PLOD2: variants seen among roughly 807,000 people sequenced by gnomAD.
PLOD2 encodes the protein procollagen-lysine,2-oxoglutarate 5-dioxygenase 2.
Under a neutral mutation model 101.0 loss-of-function variants are expected in PLOD2, and 65 were observed. The observed-to-expected ratio is 0.64, with a 90% CI of 0.53 to 0.79. The LOEUF (loss-of-function observed/expected upper bound fraction) is 0.79. Ranked by LOEUF, PLOD2 falls within the 30% of genes least tolerant of loss-of-function variation. The pLI, the probability that PLOD2 is intolerant of heterozygous loss-of-function variation, is 0.00. For synonymous variants in PLOD2, 314 were observed against 302.9 expected (o/e 1.04, Z -0.38); for missense variants, 909 against 914.6 (o/e 0.99, Z 0.08).
intron 1 of PLOD2, among the ~76,000 whole-genome samples, chr3:146,134,688 A>C (rs2031125208): frequency 6.6e-6 from 1 of 152,240 alleles, no homozygotes; most frequent in Non-Finnish European, 1.5e-5. Flanking sequence ...AAAGGGGATC[A>C]ATAGTAAAGT....
intron 7 of PLOD2, among the ~76,000 whole-genome samples, chr3:146,098,010 G>C (rs143862299): frequency 3.3e-5 from 5 of 151,904 alleles, no homozygotes; most frequent in East Asian, 1.9e-4. Context: ...ATGAGAACTC[G>C]TGGACACAGG....
chr3:146,098,278 A>G (rs1294993301), intron 7 of PLOD2, among the ~76,000 whole-genome samples: 1 of 152,174 alleles, frequency 6.6e-6, no homozygotes, highest in African/African-American at 2.4e-5. Flanking sequence ...TTAAAAGAAA[A>G]GGCTGAACAT....
At chr3:146,150,102 C>T (rs1371214513) in intron 1 of PLOD2, among the ~76,000 whole-genome samples, 1 of 152,178 alleles carries the variant, frequency 6.6e-6, no homozygotes, top group African/African-American at 2.4e-5. Context: ...TTCATACTTT[C>T]TATTCCTTTC....
chr3:146,127,893 A>G lies in PLOD2; in HGVS notation c.110-3664T>C, dbSNP rs1219924413. On this transcript the variant is annotated intron_variant, in intron 1 of 19. Transcript: ENST00000282903. ...GTTGGCATGGATGCAAAGAAAAGGG[A>G]ACACTTACACATTGCTTGTGGGAAT... 2.0e-5 allele frequency among the ~76,000 whole-genome samples: 3 copies of G among 152,172 alleles called. No homozygotes were observed. In the East Asian group the frequency reaches 5.8e-4, roughly 29 times the overall value.
Position 146,070,376 on chromosome 3 carries a change from A to G in PLOD2, c.*341T>C. The G allele has an allele frequency of 6.3e-6, 1 of 157,564 alleles. No homozygotes were observed. 9.8% of individuals were successfully genotyped at this position (157,564 alleles called of 1,614,324 possible). On this transcript the variant is annotated 3_prime_UTR_variant, in exon 20 of 20. Transcript: ENST00000282903. ...AATCTTCCCATGCTTTTTTTAAATA[A>G]GAAAATATTATTAGTCTTGTTATTT...
chr3:146,095,967 G>C (rs1008927467), intron 7 of PLOD2, among the ~76,000 whole-genome samples: 5 of 127,624 alleles, frequency 3.9e-5, no homozygotes, highest in Admixed American at 3.5e-4. Context: ...CTGCCATCTC[G>C]GCTCACTGCA....
intron 17 of PLOD2, among the ~76,000 whole-genome samples, chr3:146,072,265 T>C (rs778783778): frequency 4.6e-5 from 5 of 109,800 alleles, no homozygotes; most frequent in Non-Finnish European, 7.9e-5. Flanking sequence ...GTGACATCAC[T>C]CTGTAAAGAC....
intron 3 of PLOD2, among the ~76,000 whole-genome samples, chr3:146,115,331 A>T (rs1344731429): frequency 1.3e-5 from 2 of 152,130 alleles, no homozygotes; most frequent in South Asian, 2.1e-4. Flanking sequence ...ATTCTACCTG[A>T]TGTGGTCATA....
chr3:146,085,149 T>G lies in PLOD2; in HGVS notation c.1232+20A>C, dbSNP rs1416500939. The G allele has an allele frequency of 9.9e-7, 1 of 1,013,930 alleles. No individual in the cohort carries two copies. The highest frequency in any genetic ancestry group is 1.7e-5 in the Admixed American group (1 of 58,658). 62.8% of individuals were successfully genotyped at this position (1,013,930 alleles called of 1,614,324 possible). A position where few individuals can be genotyped will look rare whatever the true frequency, so the allele number is the denominator to read the frequency against. On this transcript the variant is annotated intron_variant, in intron 11 of 19. Coordinates refer to ENST00000282903, the MANE Select transcript of PLOD2 (RefSeq NM_182943.3). Reference sequence around the variant, plus strand: ...AATAATCATTTTAACAATAAATTGATATCGAATTTTAGAAAGTACCTGTTT... The same window carrying G: ...AATAATCATTTTAACAATAAATTGAGATCGAATTTTAGAAAGTACCTGTTT...
Position 146,136,777 on chromosome 3 carries a change from T to C in PLOD2, c.110-12548A>G, listed in dbSNP as rs116254962. ...TACAGTAACATTCCTTACAGGTTTG[T>C]AGTGTAGAAACAGTAGTGTAAACTA... is the stretch of plus-strand genomic sequence containing the variant. On this transcript the variant is annotated intron_variant, in intron 1 of 19. Transcript: ENST00000282903. 5.4e-3 allele frequency among the ~76,000 whole-genome samples: 822 copies of C among 152,344 alleles called. 8 individuals are homozygous for C. Among genetic ancestry groups the C allele is most frequent in the African/African-American group, 0.019 (787 of 41,574 alleles).
intron 1 of PLOD2, among the ~76,000 whole-genome samples, chr3:146,128,326 T>TA (rs1325955926): frequency 6.6e-6 from 1 of 151,968 alleles, no homozygotes; most frequent in Admixed American, 6.6e-5. Flanking sequence ...ACCATGAGGT[T>TA]AAAAAAACAA....
At chr3:146,087,479 A>T (rs562267490) in intron 9 of PLOD2, among the ~76,000 whole-genome samples, 2 of 152,034 alleles carry the variant, frequency 1.3e-5, no homozygotes, top group South Asian at 4.1e-4. Context: ...GATTAATGGG[A>T]AAACCATCAA....
chr3:146,084,992 G>T (rs759887711), intron 11 of PLOD2, among the ~76,000 whole-genome samples, 177 bp downstream of exon 11: 1 of 151,980 alleles, frequency 6.6e-6, no homozygotes, highest in Non-Finnish European at 1.5e-5. Context: ...ATGTATTCAG[G>T]TTGTTTTCTA....
At chr3:146,118,999 C>T (rs1270080568) in intron 3 of PLOD2, among the ~76,000 whole-genome samples, 1 of 152,052 alleles carries the variant, frequency 6.6e-6, no homozygotes, top group African/African-American at 2.4e-5. Context: ...CATCTCAGAC[C>T]ATAGTTGATA....
At chr3:146,140,786 A>G (rs2108124327) in intron 1 of PLOD2, among the ~76,000 whole-genome samples, 1 of 152,208 alleles carries the variant, frequency 6.6e-6, no homozygotes, top group East Asian at 1.9e-4. Flanking sequence ...CCAAACAAAT[A>G]TAACCTCTTC....
At chr3:146,141,105 C>T (rs779546804) in intron 1 of PLOD2, among the ~76,000 whole-genome samples, 1 of 151,930 alleles carries the variant, frequency 6.6e-6, no homozygotes, top group Non-Finnish European at 1.5e-5. Context: ...TAATTGAATA[C>T]ACAGTATGAA....
Position 146,085,031 on chromosome 3 carries a change from T to A in PLOD2, c.1232+138A>T, listed in dbSNP as rs572647573. The A allele has an allele frequency of 3.3e-5, 19 of 569,858 alleles. No homozygotes were observed. The South Asian group carries it at 4.9e-4, about 15-fold the overall frequency. The allele number at this position is 569,858 out of a possible 1,614,324, so 35.3% of individuals were successfully genotyped here. ...CTCCTTTAAATGAAAAATAATTAAC[T>A]TGAATTGAAAGTTTATTAGCTGTAG... On this transcript the variant is annotated intron_variant, in intron 11 of 19. Coordinates refer to ENST00000282903, the MANE Select transcript of PLOD2 (RefSeq NM_182943.3).
chr3:146,069,637 T>C lies in PLOD2; in HGVS notation c.*1080A>G, dbSNP rs1021625197. The C allele has an allele frequency of 6.6e-6, 1 of 151,964 alleles. No individual in the cohort carries two copies. The highest frequency in any genetic ancestry group is 1.5e-5 in the Non-Finnish European group (1 of 67,828). 9.4% of individuals were successfully genotyped at this position (151,964 alleles called of 1,614,324 possible). ...GTATTTTTGTTGGAGAATTTTTTTATAAGCGGGATAGAGGGAAGTTAACAT... is the reference window on the plus strand; with the variant it reads ...GTATTTTTGTTGGAGAATTTTTTTACAAGCGGGATAGAGGGAAGTTAACAT... On this transcript the variant is annotated 3_prime_UTR_variant, in exon 20 of 20. Transcript: ENST00000282903.
chr3:146,146,487 T>C (rs1346617905), intron 1 of PLOD2, among the ~76,000 whole-genome samples: 1 of 152,068 alleles, frequency 6.6e-6, no homozygotes, highest in Non-Finnish European at 1.5e-5. Flanking sequence ...TCTCACACTT[T>C]GTGGGAACTG....
Sources: allele counts gnomAD v4.1 joint callset (sites outside exome capture counted in the v4.1 genomes callset), GRCh38; gene constraint gnomAD v4.1.1; transcripts MANE v1.5; gene names NCBI Gene and HGNC (gene_info 2026-07-23, HGNC 2026-07-21).